PCNX2: variants seen among roughly 807,000 people sequenced by gnomAD.
PCNX2 encodes the protein pecanex-like protein 2.
A neutral mutation model predicts 223.8 loss-of-function variants in PCNX2; 168 were observed. The observed-to-expected ratio is 0.75, with a 90% CI of 0.66 to 0.85. The LOEUF is 0.85. Ranked by LOEUF, PCNX2 falls within the 40% of genes least tolerant of loss-of-function variation. PCNX2 has a pLI of 0.00. For synonymous variants in PCNX2, 1,006 were observed against 1,052.6 expected, an observed-to-expected ratio of 0.96 and a Z score of 0.86; for missense variants, 2,507 against 2,675.5, an observed-to-expected ratio of 0.94 and a Z score of 1.39.
At chr1:233,147,553 G>GT (rs1313427000) in intron 19 of PCNX2, among the ~76,000 whole-genome samples, 1 of 150,830 alleles carries the variant, frequency 6.6e-6, no homozygotes, top group Non-Finnish European at 1.5e-5. Context: ...AGGCAGGAGA[G>GT]ACAGGAGCAC....
At chr1:233,106,785 T>C (rs931594729) in intron 21 of PCNX2, among the ~76,000 whole-genome samples, 1 of 152,210 alleles carries the variant, frequency 6.6e-6, no homozygotes, top group African/African-American at 2.4e-5. Flanking sequence ...TGTTAATGTA[T>C]GAACTATAAG....
chr1:233,158,358 C>A (rs1444678892), intron 19 of PCNX2, among the ~76,000 whole-genome samples: 1 of 151,900 alleles, frequency 6.6e-6, no homozygotes, highest in Non-Finnish European at 1.5e-5. Context: ...TTAACAGGGG[C>A]ATAGGCATAG....
chr1:233,179,268 C>T, intron 15 of PCNX2, 93 bp from the exon 16 acceptor site: 1 of 1,299,268 alleles, frequency 7.7e-7, no homozygotes. Flanking sequence ...CAAGGTCCAG[C>T]TGGATGGATG....
intron 32 of PCNX2, among the ~76,000 whole-genome samples, chr1:232,997,011 A>G (rs950226353): frequency 3.3e-5 from 5 of 152,210 alleles, no homozygotes; most frequent in Non-Finnish European, 5.9e-5. Context: ...CGCTTTTTAC[A>G]TGTAAAATGT....
chr1:233,187,300 AC>A (rs759319694), intron 15 of PCNX2, among the ~76,000 whole-genome samples: 3 of 152,234 alleles, frequency 2.0e-5, no homozygotes, highest in Non-Finnish European at 2.9e-5. Context: ...ACAGAAAAAA[AC>A]AAGGATTGAA....
chr1:233,117,481 A>C (rs951211060), intron 21 of PCNX2, among the ~76,000 whole-genome samples: 1 of 151,554 alleles, frequency 6.6e-6, no homozygotes, highest in East Asian at 1.9e-4. Flanking sequence ...AATACAAAAA[A>C]TTAGCCGTAT....
At chr1:233,247,875 C>T (rs1451981954) in intron 8 of PCNX2, among the ~76,000 whole-genome samples, 2 of 42,198 alleles carry the variant, frequency 4.7e-5, no homozygotes, top group Non-Finnish European at 8.4e-5. Context: ...AAAACTCCGT[C>T]TCAAAAAAAA....
At chr1:232,986,610 A>T (rs1571979500) in intron 32 of PCNX2, 70 bp from the exon 33 acceptor site, 2 of 1,393,944 alleles carry the variant, frequency 1.4e-6, no homozygotes, top group Non-Finnish European at 1.9e-6. Flanking sequence ...GTGGTGCAGC[A>T]GGTGGCCTGC....
At chr1:233,185,084 A>AACACACACACACAC (rs60719299) in intron 15 of PCNX2, among the ~76,000 whole-genome samples, 1 of 141,718 alleles carries the variant, frequency 7.1e-6, no homozygotes, top group African/African-American at 2.7e-5. Context: ...TACATACATA[A>AACACACACACACAC]ACACACACAC....
intron 28 of PCNX2, among the ~76,000 whole-genome samples, chr1:233,003,983 C>G (rs950076066): frequency 1.3e-5 from 2 of 152,058 alleles, no homozygotes; most frequent in Non-Finnish European, 2.9e-5. Flanking sequence ...AGGGGAACAT[C>G]ACACACCGGG....
At chr1:233,187,536 A>G (rs1020852687) in intron 15 of PCNX2, among the ~76,000 whole-genome samples, 7 of 152,158 alleles carry the variant, frequency 4.6e-5, no homozygotes, top group Admixed American at 3.3e-4. Context: ...CTCGGGGCTT[A>G]CTACCAAAAC....
At chr1:233,017,515 A>G (rs1670723610) in intron 26 of PCNX2, among the ~76,000 whole-genome samples, 1 of 151,856 alleles carries the variant, frequency 6.6e-6, no homozygotes, top group Non-Finnish European at 1.5e-5. Flanking sequence ...ACGGGGTTTC[A>G]CCATGTTAGC....
intron 32 of PCNX2, among the ~76,000 whole-genome samples, chr1:232,993,420 G>A (rs1035171548): frequency 6.6e-6 from 1 of 152,234 alleles, no homozygotes; most frequent in Non-Finnish European, 1.5e-5. Flanking sequence ...AAGCAGCAAA[G>A]CATTCACAAG....
intron 1 of PCNX2, chr1:233,285,036 G>A: frequency 2.0e-6 from 2 of 983,376 alleles, no homozygotes; most frequent in Non-Finnish European, 1.2e-6. Context: ...CATCCCAATG[G>A]ACCATGTTGG....
intron 25 of PCNX2, chr1:233,025,724 A>G: frequency 2.8e-6 from 1 of 354,152 alleles, no homozygotes; most frequent in Non-Finnish European, 5.2e-6. Context: ...GTTTTGAAAA[A>G]GGTAGTACAT....
intron 19 of PCNX2, among the ~76,000 whole-genome samples, chr1:233,152,345 G>C (rs1236122279): frequency 1.3e-5 from 2 of 152,120 alleles, no homozygotes; most frequent in Non-Finnish European, 2.9e-5. Context: ...AATTATTTTA[G>C]TAATTTTGAA....
intron 1 of PCNX2, among the ~76,000 whole-genome samples, chr1:233,294,415 T>C (rs954835362): frequency 2.0e-5 from 3 of 152,272 alleles, no homozygotes; most frequent in South Asian, 4.1e-4. Context: ...ACCCTTTGGA[T>C]ACACTGCCGG....
chr1:233,205,316 G>A (rs1681377919), intron 13 of PCNX2, among the ~76,000 whole-genome samples: 1 of 152,128 alleles, frequency 6.6e-6, no homozygotes, highest in Non-Finnish European at 1.5e-5. Context: ...TGAGTTAAAC[G>A]GTCCAAATGG....
chr1:232,984,781 C>G, intron 33 of PCNX2: 1 of 297,372 alleles, frequency 3.4e-6, no homozygotes. Flanking sequence ...TAGCTGTAGT[C>G]AGTGTCACTT....
Sources: gnomAD v4.1 joint callset for allele counts (sites outside exome capture counted in the v4.1 genomes callset) on GRCh38, gnomAD v4.1.1 for gene constraint, MANE v1.5 for transcripts, NCBI Gene and HGNC (gene_info 2026-07-23, HGNC 2026-07-21) for gene names.